The following NOX4 variants were observed in gnomAD, a reference collection of about 807,000 sequenced individuals.
NOX4 encodes kidney oxidase-1.
NOX4 carries 69 observed loss-of-function variants against 87.6 expected under a neutral mutation model. The observed-to-expected ratio is 0.79, with a 90% CI of 0.65 to 0.96. NOX4 has a LOEUF of 0.96. Ranked by LOEUF, NOX4 falls within the 40% of genes least tolerant of loss-of-function variation. The pLI is 0.00. For missense variants in NOX4, 680 were observed against 681.5 expected (o/e 1.00, Z 0.02); for synonymous variants, 275 against 238.2 (o/e 1.15, Z -1.42).
chr11:89,401,228 C>A (rs1941833537), intron 9 of NOX4, among the ~76,000 whole-genome samples: 2 of 152,030 alleles, frequency 1.3e-5, no homozygotes, highest in South Asian at 4.1e-4. Context: ...CATTTAGCCC[C>A]ACACTGTGTT....
chr11:89,426,605 C>G (rs564245139), intron 7 of NOX4, among the ~76,000 whole-genome samples: 1 of 152,260 alleles, frequency 6.6e-6, no homozygotes, highest in Admixed American at 6.5e-5. Context: ...GGTCCCACAC[C>G]CTCAGAACCT....
intron 2 of NOX4, among the ~76,000 whole-genome samples, chr11:89,452,742 G>A (rs1945020691): frequency 6.6e-6 from 1 of 151,770 alleles, no homozygotes; most frequent in African/African-American, 2.4e-5. Context: ...TTGAGGCAGG[G>A]TCTCACTTTT....
chr11:89,381,407 C>T (rs146532803), intron 11 of NOX4, among the ~76,000 whole-genome samples: 2,888 of 152,218 alleles, frequency 0.019, 80 homozygotes, highest in East Asian at 0.13. Flanking sequence ...CCTTTGATGA[C>T]ATTACCTTGT....
chr11:89,430,402 G>A (rs1471095281), intron 7 of NOX4, among the ~76,000 whole-genome samples: 6 of 152,134 alleles, frequency 3.9e-5, no homozygotes. Context: ...TAGGAAAAAA[G>A]GAAGTCAAAT....
intron 9 of NOX4, among the ~76,000 whole-genome samples, chr11:89,401,425 G>T (rs1378516468): frequency 6.6e-6 from 1 of 151,858 alleles, no homozygotes; most frequent in African/African-American, 2.4e-5. Flanking sequence ...GGGATCTAGA[G>T]GATTATTATT....
intron 8 of NOX4, among the ~76,000 whole-genome samples, chr11:89,409,345 A>T (rs1355277132): frequency 6.6e-6 from 1 of 152,194 alleles, no homozygotes; most frequent in Admixed American, 6.6e-5. Flanking sequence ...AATTATGTGA[A>T]AAAGTATTTG....
chr11:89,435,140 T>C (rs1051453248), intron 6 of NOX4, among the ~76,000 whole-genome samples: 5 of 152,220 alleles, frequency 3.3e-5, no homozygotes, highest in African/African-American at 1.2e-4. Flanking sequence ...TATAATTTCA[T>C]AAATTTGAGA....
At chr11:89,405,080 T>TTGTGTGTGTGTGTGTGTGTGTGTGTGTG (rs71472257) in intron 8 of NOX4, among the ~76,000 whole-genome samples, 12 of 133,192 alleles carry the variant, frequency 9.0e-5, no homozygotes, top group Non-Finnish European at 1.3e-4. Flanking sequence ...AAAAGTCAGA[T>TTGTGTGTGTGTGTGTGTGTGTGTGTGTG]TGTGTGTGTG....
At chr11:89,495,067 A>G (rs1337704976), upstream of NOX4, among the ~76,000 whole-genome samples, 2 of 152,158 alleles carry the variant, frequency 1.3e-5, no homozygotes, top group African/African-American at 4.8e-5. Flanking sequence ...CTTAGCCTCC[A>G]GTGTAGCTGG....
chr11:89,488,308 C>A (rs1323424643), intron 2 of NOX4, among the ~76,000 whole-genome samples: 3 of 151,422 alleles, frequency 2.0e-5, no homozygotes. Context: ...TTATTGAGCC[C>A]TATGTGTCAG....
rs1054417740 is a variant in NOX4, at chr11:89,400,295, T to C, written c.931A>G (p.Ile311Val). 1.2e-6 allele frequency: 2 copies of C among 1,613,004 alleles called. No homozygotes were observed. The highest frequency in any genetic ancestry group is 2.2e-5 in the South Asian group (2 of 91,028). ...RYIRSNKPVT[I>V]ISVMSHPSDV... Reference sequence around the variant, plus strand: ...GAGGGATGACTCATGACCGAAATGATGGTGACTGGCTTATTGCTCCGGATA... The same window carrying C: ...GAGGGATGACTCATGACCGAAATGACGGTGACTGGCTTATTGCTCCGGATA... Residue 311 changes from isoleucine to valine, a missense_variant, in exon 10 of 18, where the codon ATC becomes GTC. Coordinates refer to ENST00000263317, the MANE Select transcript of NOX4 (RefSeq NM_016931.5).
the NOX4 span, among the ~76,000 whole-genome samples, chr11:89,571,833 C>G: frequency 0.016 from 2,388 of 152,276 alleles, 62 homozygotes; most frequent in African/African-American, 0.054. Context: ...ATACCTCCCC[C>G]ACAGGGAATT....
At chr11:89,581,141 T>C in the NOX4 span, among the ~76,000 whole-genome samples, 10 of 152,152 alleles carry the variant, frequency 6.6e-5, no homozygotes, top group African/African-American at 2.2e-4. Flanking sequence ...AGAATTCTTA[T>C]GGAAATGGTA....
At chr11:89,371,774 C>A (rs117861910) in intron 12 of NOX4, among the ~76,000 whole-genome samples, 1 of 151,656 alleles carries the variant, frequency 6.6e-6, no homozygotes, top group Non-Finnish European at 1.5e-5. Context: ...TATCAGAGGA[C>A]GACCATGATC....
the NOX4 span, among the ~76,000 whole-genome samples, chr11:89,584,483 G>A: frequency 6.6e-6 from 1 of 152,156 alleles, no homozygotes; most frequent in Non-Finnish European, 1.5e-5. Context: ...AGTAACAGAT[G>A]TTTGAAGTGT....
At chr11:89,356,125 T>G (rs1164774322) in intron 12 of NOX4, among the ~76,000 whole-genome samples, 4 of 152,072 alleles carry the variant, frequency 2.6e-5, no homozygotes, top group African/African-American at 7.2e-5. Context: ...ATGATATATA[T>G]GAAATAAAGC....
At chr11:89,420,374 G>C (rs889837556) in intron 8 of NOX4, among the ~76,000 whole-genome samples, 14 of 151,990 alleles carry the variant, frequency 9.2e-5, no homozygotes, top group South Asian at 2.1e-4. Flanking sequence ...CTCTTCAGGA[G>C]CATAGCCCTG....
chr11:89,430,411 A>G (rs1382194600), intron 7 of NOX4, among the ~76,000 whole-genome samples: 1 of 152,158 alleles, frequency 6.6e-6, no homozygotes, highest in Non-Finnish European at 1.5e-5. Context: ...AGGAAGTCAA[A>G]TCGTCCCTGT....
At chr11:89,574,592 T>C in the NOX4 span, among the ~76,000 whole-genome samples, 1 of 152,360 alleles carries the variant, frequency 6.6e-6, no homozygotes, top group South Asian at 2.1e-4. Flanking sequence ...ACCAGAAGTC[T>C]ATAATGACCT....
Sources: allele counts gnomAD v4.1 joint callset (sites outside exome capture counted in the v4.1 genomes callset), GRCh38; gene constraint gnomAD v4.1.1; transcripts MANE v1.5; gene names NCBI Gene and HGNC (gene_info 2026-07-23, HGNC 2026-07-21).